Variants in NPAS2 observed in about 807,000 individuals in gnomAD.
The protein encoded by NPAS2 is neuronal PAS domain protein 2, also known as neuronal PAS domain-containing protein 2.
NPAS2 carries 23 observed loss-of-function variants against 107.5 expected under a neutral mutation model. That is an observed-to-expected ratio of 0.21 (90% confidence interval 0.15 to 0.30). NPAS2 has a LOEUF of 0.30. Ranked by LOEUF, NPAS2 falls within the 10% of genes least tolerant of loss-of-function variation. The pLI, the probability that NPAS2 is intolerant of heterozygous loss-of-function variation, is 1.00. For missense variants in NPAS2, 756 were observed against 1,043.3 expected (o/e 0.72, Z 3.79); for synonymous variants, 403 against 417.5 (o/e 0.97, Z 0.42).
rs147016161 is a variant in NPAS2, at chr2:100,917,011, G to A, written c.33-8135G>A. Among the ~76,000 whole-genome samples, 437 of 152,142 alleles carry A rather than the reference G, an allele frequency of 2.9e-3. 4 individuals are homozygous for A. Among genetic ancestry groups the A allele is most frequent in the African/African-American group, 0.01 (424 of 41,502 alleles). Reference sequence around the variant, plus strand: ...TACATTTCAAAATTAGTGGGTTGCCGCTACAGCAATGCTTAGAGGGAAACT... The same window carrying A: ...TACATTTCAAAATTAGTGGGTTGCCACTACAGCAATGCTTAGAGGGAAACT... On this transcript the variant is annotated intron_variant, in intron 2 of 20. Transcript: ENST00000335681.
chr2:100,932,461 C>T lies in NPAS2; in HGVS notation c.182-449C>T, dbSNP rs187879813. 2.5e-3 allele frequency among the ~76,000 whole-genome samples: 387 copies of T among 152,300 alleles called. 1 individual carries two copies. Among genetic ancestry groups the T allele is most frequent in the African/African-American group, 8.4e-3 (349 of 41,564 alleles). On this transcript the variant is annotated intron_variant, in intron 3 of 20. Transcript: ENST00000335681. ...ATAACACAGTGGGTTATTTTCCACA[C>T]GCCTAAGGTGTTTCTGGAATTTTTA...
chr2:100,936,989 A>AC (rs1413508175), intron 4 of NPAS2, among the ~76,000 whole-genome samples: 16 of 151,758 alleles, frequency 1.1e-4, no homozygotes, highest in Admixed American at 5.9e-4. Flanking sequence ...CAAAAAAAAA[A>AC]AAAAAAAAAA....
At chr2:100,863,526 A>G (rs1679067855) in intron 1 of NPAS2, among the ~76,000 whole-genome samples, 1 of 152,154 alleles carries the variant, frequency 6.6e-6, no homozygotes, top group Admixed American at 6.5e-5. Context: ...TCAACATCCT[A>G]GAGGGATGTG....
In NPAS2 at chr2:100,988,157, A is replaced by G; in HGVS notation, c.1708A>G (p.Arg570Gly). Reference sequence around the variant, plus strand: ...TGAGGCTCAGCAGCAGCTACAGCAAAGGTCAGCTGCAGTGACTCAGCCCCA... The same window carrying G: ...TGAGGCTCAGCAGCAGCTACAGCAAGGGTCAGCTGCAGTGACTCAGCCCCA... ...RPEAQQQLQQ[R>G]SAAVTQPQLG... The change falls in exon 17 of 21, where the codon AGG (arginine) becomes GGG (glycine). Residue 570 changes from arginine to glycine, a missense_variant. Transcript: ENST00000335681. 1 of 1,614,204 alleles carries G rather than the reference A, an allele frequency of 6.2e-7. No individual in the cohort carries two copies. The highest frequency in any genetic ancestry group is 1.1e-5 in the South Asian group (1 of 91,090).
chr2:100,868,091 T>A, intron 1 of NPAS2, among the ~76,000 whole-genome samples: 1 of 152,232 alleles, frequency 6.6e-6, no homozygotes, highest in East Asian at 1.9e-4. Context: ...AAGCACACTA[T>A]ATTTCCTCAC....
At position 100,884,544 on chromosome 2, in the gene NPAS2, G is replaced by A. The variant is rs545087749; in HGVS notation, c.-22-20189G>A. On this transcript the variant is annotated intron_variant, in intron 1 of 20. Coordinates refer to ENST00000335681, the MANE Select transcript of NPAS2 (RefSeq NM_002518.4). ...GATGCCATGTGACATACATGCTCTC[G>A]CACACACATTATTAAGACTTCACTC... Among the ~76,000 whole-genome samples, 7 of 152,212 alleles carry A rather than the reference G, an allele frequency of 4.6e-5. No individual in the cohort carries two copies. The South Asian group carries it at 1.5e-3, about 32-fold the overall frequency.
intron 1 of NPAS2, among the ~76,000 whole-genome samples, chr2:100,865,258 T>G (rs1250029576): frequency 6.6e-6 from 1 of 152,188 alleles, no homozygotes. Context: ...CAACTACGAA[T>G]CTGTTCTCTG....
intron 5 of NPAS2, among the ~76,000 whole-genome samples, chr2:100,947,030 G>A (rs188621960): frequency 1.2e-3 from 179 of 152,256 alleles, no homozygotes; most frequent in Non-Finnish European, 8.8e-5. Context: ...GGTCCCCAGG[G>A]AGCATCTGAG....
At chr2:100,975,051 G>T in intron 13 of NPAS2, 107 bp downstream of exon 13, 1 of 1,247,522 alleles carries the variant, frequency 8.0e-7, no homozygotes. Flanking sequence ...CTGTGCCTCC[G>T]ACAGAGGTTG....
intron 16 of NPAS2, chr2:100,983,031 TTAA>T (rs1465952623): frequency 6.6e-6 from 1 of 152,474 alleles, no homozygotes; most frequent in Non-Finnish European, 1.5e-5. Context: ...TGGATCTCTT[TTAA>T]TAATATATAA....
intron 3 of NPAS2, among the ~76,000 whole-genome samples, chr2:100,932,534 GC>G (rs1036199793): frequency 1.7e-4 from 26 of 151,498 alleles, no homozygotes; most frequent in African/African-American, 6.1e-4. Context: ...CCATGAAGAA[GC>G]CACTTATGAA....
intron 1 of NPAS2, among the ~76,000 whole-genome samples, chr2:100,838,529 C>T (rs1366440107): frequency 6.6e-6 from 1 of 152,160 alleles, no homozygotes; most frequent in African/African-American, 2.4e-5. Context: ...CTGCCTGCCT[C>T]GGCCTCCCAA....
intron 6 of NPAS2, among the ~76,000 whole-genome samples, 187 bp from the exon 7 acceptor site, chr2:100,949,180 G>A (rs1181352964): frequency 1.3e-5 from 2 of 152,188 alleles, no homozygotes; most frequent in Non-Finnish European, 2.9e-5. Flanking sequence ...AAATATCTAT[G>A]AACTATGGAA....
rs60866311 is a variant in NPAS2, at chr2:100,975,599, T to G, written c.1392+32T>G. 39,848 of 1,507,850 alleles carry G rather than the reference T, an allele frequency of 0.026. 2,593 individuals are homozygous for G. The highest frequency in any genetic ancestry group is 0.21 in the African/African-American group (15,136 of 72,270). The allele number at this position is 1,507,850 out of a possible 1,614,324, so 93.4% of individuals were successfully genotyped here. A position where few individuals can be genotyped will look rare whatever the true frequency, so the allele number is the denominator to read the frequency against. The stretch of plus-strand genomic sequence containing the variant: ...GTGTGACCCCAAACTCCTCCACGGG[T>G]GTACGCTACAATGTGGTGGGGGCTG... On this transcript the variant is annotated intron_variant, in intron 14 of 20. Transcript: ENST00000335681.
In NPAS2 at chr2:100,995,391, T is replaced by C. The variant is rs1678391632; in HGVS notation, c.2293-9T>C. On this transcript the variant is annotated splice_polypyrimidine_tract_variant and intron_variant, in intron 20 of 20. Transcript: ENST00000335681. ...CCACCTCTGAAGCCCTTTGTTCTTT[T>C]TTTTCTAGGTACAGGCACCAACCTC... 1 of 1,607,438 alleles carries C rather than the reference T, an allele frequency of 6.2e-7. No individual in the cohort carries two copies. The highest frequency in any genetic ancestry group is 8.5e-7 in the Non-Finnish European group (1 of 1,176,270).
intron 7 of NPAS2, among the ~76,000 whole-genome samples, chr2:100,959,110 CAA>C (rs755776689): frequency 2.9e-5 from 2 of 69,546 alleles, no homozygotes; most frequent in African/African-American, 9.9e-5. Flanking sequence ...AAAAAAAAAA[CAA>C]AACTAAAATT....
intron 15 of NPAS2, among the ~76,000 whole-genome samples, chr2:100,978,435 A>G (rs1677172955): frequency 6.6e-6 from 1 of 152,132 alleles, no homozygotes; most frequent in Admixed American, 6.5e-5. Flanking sequence ...GTATTTTAGA[A>G]AAGGTCTGAA....
At chr2:100,990,229 AC>A in intron 17 of NPAS2, 26 bp from the exon 18 acceptor site, 3 of 1,610,382 alleles carry the variant, frequency 1.9e-6, no homozygotes, top group Non-Finnish European at 2.5e-6. Flanking sequence ...TCCAAGTCTT[AC>A]CTTTCTCATT....
rs1184182519 is a variant in NPAS2, at chr2:100,917,039, C to A, written c.33-8107C>A. ...ACAGCAATGCTTAGAGGGAAACTTG[C>A]AACATTAAATGCTCTTATTAGAAAA... is the stretch of plus-strand genomic sequence containing the variant. On this transcript the variant is annotated intron_variant, in intron 2 of 20. Transcript: ENST00000335681. Among the ~76,000 whole-genome samples the A allele has an allele frequency of 2.0e-5, 3 of 151,932 alleles. No individual in the cohort carries two copies. In the East Asian group the frequency reaches 5.8e-4, roughly 29 times the overall value.
Sources: allele counts gnomAD v4.1 joint callset (sites outside exome capture counted in the v4.1 genomes callset), GRCh38; gene constraint gnomAD v4.1.1; transcripts MANE v1.5; gene names NCBI Gene and HGNC (gene_info 2026-07-23, HGNC 2026-07-21).